ROBO1: variants seen among roughly 807,000 people sequenced by gnomAD.
ROBO1 encodes roundabout guidance receptor 1.
A neutral mutation model predicts 195.9 loss-of-function variants in ROBO1; 149 were observed. The observed-to-expected ratio is 0.76, with a 90% CI of 0.67 to 0.87. The LOEUF is 0.87. Among genes scored for constraint, ROBO1 ranks in the 40% least tolerant of loss-of-function variants. ROBO1 has a pLI of 0.00. For missense variants in ROBO1, 1,933 were observed against 2,068.3 expected (o/e 0.93, Z 1.27); for synonymous variants, 816 against 733.2 (o/e 1.11, Z -1.82).
Position 78,794,115 on chromosome 3 carries a change from G to A in ROBO1, c.500-47215C>T, listed in dbSNP as rs148903445. On this transcript the variant is annotated intron_variant, in intron 4 of 30. Coordinates refer to ENST00000464233, the MANE Select transcript of ROBO1 (RefSeq NM_002941.4). ...ACAGCAAATAAAAATACAATGGGAG[G>A]TCATATGGTACACTGGCTAAGAGCA... 2.9e-3 allele frequency among the ~76,000 whole-genome samples: 442 copies of A among 152,230 alleles called. 3 individuals carry two copies. Among genetic ancestry groups the A allele is most frequent in the African/African-American group, 9.9e-3 (413 of 41,542 alleles).
At chr3:79,191,419 C>T (rs1337327813) in intron 2 of ROBO1, among the ~76,000 whole-genome samples, 2 of 151,330 alleles carry the variant, frequency 1.3e-5, no homozygotes, top group African/African-American at 4.8e-5. Flanking sequence ...AATGTGCTCA[C>T]CCACTACAAC....
At position 78,617,975 on chromosome 3, in the gene ROBO1, A is replaced by T. The variant is rs750556565; in HGVS notation, c.3942T>A (p.Ile1314=). 6.2e-7 allele frequency: 1 copy of T among 1,613,932 alleles called. No individual in the cohort carries two copies. Among genetic ancestry groups the T allele is most frequent in the Non-Finnish European group, 8.5e-7 (1 of 1,179,868 alleles). The part of the protein sequence containing the change: ...PISPPHTYGY[I]SGPLVSDMDT... ...CCATATCTGAGACCAGGGGTCCTGA[A>T]ATGTAGCCATAGGTATGTGGAGGGG... The change falls in exon 27 of 31, where the codon ATT becomes ATA. Residue 1314 remains isoleucine, a synonymous_variant. Transcript: ENST00000464233.
intron 1 of ROBO1, among the ~76,000 whole-genome samples, chr3:79,677,897 G>A (rs1194348350): frequency 6.6e-6 from 1 of 152,088 alleles, no homozygotes; most frequent in Non-Finnish European, 1.5e-5. Flanking sequence ...TTCAGCCATA[G>A]TGAATGCCTG....
chr3:78,773,719 C>A (rs1042380958), intron 4 of ROBO1, among the ~76,000 whole-genome samples: 1 of 152,156 alleles, frequency 6.6e-6, no homozygotes, highest in Admixed American at 6.5e-5. Flanking sequence ...AAAACTCATC[C>A]TTTTTCATTG....
At chr3:79,708,854 G>A (rs554452109) in intron 1 of ROBO1, among the ~76,000 whole-genome samples, 75 of 152,232 alleles carry the variant, frequency 4.9e-4, no homozygotes, top group African/African-American at 1.6e-3. Context: ...GCAACAGAGC[G>A]AGTCCTTGTC....
At chr3:78,838,331 G>C (rs1377426318) in intron 4 of ROBO1, among the ~76,000 whole-genome samples, 1 of 152,174 alleles carries the variant, frequency 6.6e-6, no homozygotes, top group Non-Finnish European at 1.5e-5. Context: ...CAACAATCTT[G>C]TCTGGCTCTC....
intron 2 of ROBO1, among the ~76,000 whole-genome samples, chr3:79,521,148 T>G (rs1941191858): frequency 6.6e-6 from 1 of 152,162 alleles, no homozygotes; most frequent in Non-Finnish European, 1.5e-5. Context: ...CTTTTCTGAT[T>G]GGAGTGCTTA....
intron 3 of ROBO1, among the ~76,000 whole-genome samples, chr3:79,083,520 AAAT>A (rs1238555960): frequency 7.2e-5 from 11 of 152,168 alleles, no homozygotes; most frequent in East Asian, 1.9e-4. Context: ...TTTATGTTTG[AAAT>A]AATAACAAAC....
chr3:79,078,541 G>T lies in ROBO1; in HGVS notation c.172+46915C>A, dbSNP rs114813361. Among the ~76,000 whole-genome samples, 789 of 151,894 alleles carry T rather than the reference G, an allele frequency of 5.2e-3. 9 individuals are homozygous for T. Among genetic ancestry groups the T allele is most frequent in the African/African-American group, 0.018 (736 of 41,528 alleles). Reference sequence around the variant, plus strand: ...TTACACTTTCCAACCAACAGAGGGTGATGGGATGTCCCATATATGCTAGAT... The same window carrying T: ...TTACACTTTCCAACCAACAGAGGGTTATGGGATGTCCCATATATGCTAGAT... On this transcript the variant is annotated intron_variant, in intron 3 of 30. Coordinates refer to ENST00000464233, the MANE Select transcript of ROBO1 (RefSeq NM_002941.4).
chr3:79,408,240 A>AT lies in ROBO1; in HGVS notation c.88+181583_88+181584insA, dbSNP rs960423084. On this transcript the variant is annotated intron_variant, in intron 2 of 30. Transcript: ENST00000464233. The stretch of plus-strand genomic sequence containing the variant: ...TCTCAAAAAAATAAAAAAAATAAAA[A>AT]AAATTAAAAAATTTGGGAGAAGCCT... 9.2e-5 allele frequency among the ~76,000 whole-genome samples: 14 copies of AT among 151,608 alleles called. No homozygotes were observed. In the South Asian group the frequency reaches 2.1e-3, roughly 23 times the overall value.
At chr3:79,645,803 A>G (rs186152743) in intron 1 of ROBO1, among the ~76,000 whole-genome samples, 171 of 152,272 alleles carry the variant, frequency 1.1e-3, no homozygotes, top group African/African-American at 3.8e-3. Flanking sequence ...AATAGAGAAC[A>G]TAGATATAAA....
intron 10 of ROBO1, among the ~76,000 whole-genome samples, chr3:78,682,735 CAT>C (rs1255831996): frequency 2.7e-5 from 4 of 146,806 alleles, no homozygotes; most frequent in African/African-American, 7.4e-5. Context: ...ACATAAAAAT[CAT>C]ATATATTATA....
chr3:79,337,551 C>A (rs2034729838), intron 2 of ROBO1, among the ~76,000 whole-genome samples: 1 of 152,188 alleles, frequency 6.6e-6, no homozygotes, highest in South Asian at 2.1e-4. Context: ...CTATTTGGAA[C>A]TGTGAGTCAA....
chr3:78,621,850 ATTCACCATATAGCAT>A (rs1194102858), intron 26 of ROBO1, among the ~76,000 whole-genome samples: 1 of 152,216 alleles, frequency 6.6e-6, no homozygotes, highest in Non-Finnish European at 1.5e-5. Flanking sequence ...TGTTTATACC[ATTCACCATATAGCAT>A]TTACCAGGCA....
At chr3:79,332,305 T>A (rs2034481092) in intron 2 of ROBO1, among the ~76,000 whole-genome samples, 1 of 151,976 alleles carries the variant, frequency 6.6e-6, no homozygotes, top group Non-Finnish European at 1.5e-5. Context: ...AAGTCTAAGA[T>A]GTGCATTTAT....
rs145980642 is a variant in ROBO1 at position 79,221,505 on chromosome 3, C to T, written c.89-95966G>A. 1.8e-4 allele frequency among the ~76,000 whole-genome samples: 28 copies of T among 152,132 alleles called. No individual in the cohort carries two copies. In the East Asian group the frequency reaches 3.3e-3, roughly 18 times the overall value. ...AGTTTGCTTAACTATTTTAGATTAG[C>T]GACTTGTTTTTCTTGAATTTTTATA... On this transcript the variant is annotated intron_variant, in intron 2 of 30. Transcript: ENST00000464233.
rs1705465365 is a variant in ROBO1, at chr3:78,635,896, T to G, written c.3250A>C (p.Ser1084Arg). 2 of 1,613,826 alleles carry G rather than the reference T, an allele frequency of 1.2e-6. No homozygotes were observed. Among genetic ancestry groups the G allele is most frequent in the South Asian group, 1.1e-5 (1 of 91,086 alleles). ...CCGCTGCCATTGTTCATGTTGTTGC[T>G]GAGGTTTGACTGGATGAGCTGAGTG... ...ATTQLIQSNL[S>R]NNMNNGSGDS... Residue 1084 changes from serine (S) to arginine (R), a missense_variant, in exon 23 of 31, where the codon AGC becomes CGC. By Grantham distance (110) the Ser-to-Arg change is moderately radical. This residue lies in a region of ROBO1 where 1,737 missense variants were observed against 1,882.5 expected (regional missense o/e 0.92). Transcript: ENST00000464233.
intron 4 of ROBO1, among the ~76,000 whole-genome samples, chr3:78,924,133 G>A (rs1298296077): frequency 6.6e-6 from 1 of 151,822 alleles, no homozygotes; most frequent in Non-Finnish European, 1.5e-5. Flanking sequence ...TATGAGAAAT[G>A]GTGCTTTTGA....
At chr3:79,640,642 T>G (rs1414525542) in intron 1 of ROBO1, among the ~76,000 whole-genome samples, 2 of 152,150 alleles carry the variant, frequency 1.3e-5, no homozygotes, top group Non-Finnish European at 2.9e-5. Flanking sequence ...CACCTCCCTT[T>G]AGTGTTCTAT....
Sources: allele counts gnomAD v4.1 joint callset (sites outside exome capture counted in the v4.1 genomes callset), GRCh38; gene constraint gnomAD v4.1.1; regional missense constraint gnomAD v4.1.1; transcripts MANE v1.5; gene names NCBI Gene and HGNC (gene_info 2026-07-23, HGNC 2026-07-21).